Variants in CHEK1 observed in about 807,000 individuals in gnomAD.
The protein encoded by CHEK1 is checkpoint kinase 1, also known as serine/threonine-protein kinase Chk1.
In CHEK1, 32 loss-of-function variants were observed where a neutral mutation model predicts 60.2. That is an observed-to-expected ratio of 0.53 (90% CI 0.40 to 0.71). The LOEUF (loss-of-function observed/expected upper bound fraction) is 0.71. Among genes scored for constraint, CHEK1 ranks in the 30% least tolerant of loss-of-function variants. The probability of loss-of-function intolerance (pLI) is 0.00; values close to 1 mark genes in which losing one functional copy is unlikely to be tolerated. For synonymous variants in CHEK1, 179 were observed against 187.2 expected (o/e 0.96, Z 0.36); for missense variants, 399 against 564.6 (o/e 0.71, Z 2.97).
At chr11:125,661,370 G>T (rs1942012476), downstream of CHEK1, among the ~76,000 whole-genome samples, 1 of 151,890 alleles carries the variant, frequency 6.6e-6, no homozygotes, top group African/African-American at 2.4e-5. Flanking sequence ...AGAGTGCAGT[G>T]GTACCATCTC....
At chr11:125,664,940 T>G (rs531731070) in intron 13 of CHEK1, among the ~76,000 whole-genome samples, 1 of 152,296 alleles carries the variant, frequency 6.6e-6, no homozygotes, top group African/African-American at 2.4e-5. Flanking sequence ...TCATTTTCAG[T>G]TGATTTTTGT....
At chr11:125,678,052 C>T (rs909305451), downstream of CHEK1, 2 of 1,613,992 alleles carry the variant, frequency 1.2e-6, no homozygotes, top group African/African-American at 2.7e-5. Flanking sequence ...TGTTCAGTCG[C>T]AGCGGGCTCA....
intron 5 of CHEK1, among the ~76,000 whole-genome samples, chr11:125,630,793 CATT>C (rs2135982694): frequency 6.6e-6 from 1 of 152,128 alleles, no homozygotes; most frequent in Admixed American, 6.5e-5. Flanking sequence ...AAAAATACAA[CATT>C]ATTCGTATAT....
Position 125,625,719 on chromosome 11 carries a change from G to A in CHEK1, c.-314G>A, listed in dbSNP as rs1187923366. Reference sequence around the variant, plus strand: ...GCACCGCCCAGTCGAGCCTCACACCGGATGCCACTTCATATTTGGGCCCAG... The same window carrying A: ...GCACCGCCCAGTCGAGCCTCACACCAGATGCCACTTCATATTTGGGCCCAG... On this transcript the variant is annotated 5_prime_UTR_variant, in exon 1 of 13. Coordinates refer to ENST00000438015, the MANE Select transcript of CHEK1 (RefSeq NM_001114122.3). 3.1e-6 allele frequency: 2 copies of A among 653,998 alleles called. No homozygotes were observed. 40.5% of individuals were successfully genotyped at this position (653,998 alleles called of 1,614,324 possible).
chr11:125,676,364 A>G (rs527806418), downstream of CHEK1: 14 of 1,614,198 alleles, frequency 8.7e-6, no homozygotes, highest in East Asian at 2.7e-4. Flanking sequence ...TATACCTTCA[A>G]AGATCTTCTT....
chr11:125,673,435 T>C (rs1942312359), intron 13 of CHEK1, among the ~76,000 whole-genome samples: 1 of 151,268 alleles, frequency 6.6e-6, no homozygotes, highest in Admixed American at 6.6e-5. Flanking sequence ...TCTCCTGACC[T>C]TGTGATCCGC....
At chr11:125,648,449 G>A (rs1007266209) in intron 11 of CHEK1, among the ~76,000 whole-genome samples, 19 of 151,926 alleles carry the variant, frequency 1.3e-4, no homozygotes, top group Non-Finnish European at 2.5e-4. Flanking sequence ...GGGCGTGGTT[G>A]CGGGCACCGG....
downstream of CHEK1, among the ~76,000 whole-genome samples, chr11:125,659,812 T>C (rs1034879165): frequency 1.3e-5 from 2 of 152,226 alleles, no homozygotes; most frequent in African/African-American, 4.8e-5. Flanking sequence ...TCTCAAATTC[T>C]AAAACAATTT....
At chr11:125,641,625 CAA>C (rs1941306306) in intron 8 of CHEK1, among the ~76,000 whole-genome samples, 1 of 152,164 alleles carries the variant, frequency 6.6e-6, no homozygotes, top group Admixed American at 6.5e-5. Flanking sequence ...CATTCCTTTT[CAA>C]AGTCTTTCCC....
chr11:125,632,664 A>T (rs1272145922), intron 5 of CHEK1, among the ~76,000 whole-genome samples: 2 of 151,896 alleles, frequency 1.3e-5, no homozygotes, highest in East Asian at 3.9e-4. Flanking sequence ...TCTTTTTCTC[A>T]GACTCTCTAC....
downstream of CHEK1, chr11:125,680,822 T>A (rs1275405540): frequency 9.7e-6 from 15 of 1,551,990 alleles, no homozygotes; most frequent in Non-Finnish European, 1.2e-5. Flanking sequence ...GGGCCACAGC[T>A]TCTTCACAGA....
chr11:125,636,608 T>A (rs1368290717), intron 7 of CHEK1, among the ~76,000 whole-genome samples: 1 of 152,092 alleles, frequency 6.6e-6, no homozygotes, highest in Non-Finnish European at 1.5e-5. Context: ...AGTTTTTCAT[T>A]TTTATTTTAA....
intron 8 of CHEK1, among the ~76,000 whole-genome samples, chr11:125,641,356 A>G (rs1040289230): frequency 6.6e-6 from 1 of 151,340 alleles, no homozygotes; most frequent in Admixed American, 6.6e-5. Context: ...TCAGCCTCCT[A>G]CTATTGGAGT....
Position 125,663,697 on chromosome 11 carries a change from T to C in CHEK1, c.*27+8350T>C, listed in dbSNP as rs565337838. Among the ~76,000 whole-genome samples the C allele has an allele frequency of 5.0e-4, 76 of 152,330 alleles. 4 individuals are homozygous for C. The highest frequency in any genetic ancestry group is 2.2e-4 in the African/African-American group (9 of 41,598). On this transcript the variant is annotated intron_variant, in intron 13 of 13. Transcript: ENST00000428830. The stretch of plus-strand genomic sequence containing the variant: ...GATATCATTTGTTAATTTTTGTTTT[T>C]GTTGCAGTTGCTTTTGATGTCTTCA...
intron 13 of CHEK1, among the ~76,000 whole-genome samples, chr11:125,674,639 CT>C (rs1296003019): frequency 4.6e-5 from 7 of 152,190 alleles, no homozygotes; most frequent in Non-Finnish European, 7.3e-5. Flanking sequence ...TCCACTGTAA[CT>C]TGCTTCTAAG....
At chr11:125,671,228 T>C (rs1454220666) in intron 13 of CHEK1, among the ~76,000 whole-genome samples, 1 of 152,186 alleles carries the variant, frequency 6.6e-6, no homozygotes, top group Non-Finnish European at 1.5e-5. Context: ...ACTTACATTT[T>C]TCCCTCAACA....
intron 13 of CHEK1, among the ~76,000 whole-genome samples, chr11:125,669,069 A>G (rs750718722): frequency 3.9e-5 from 6 of 152,158 alleles, no homozygotes; most frequent in Non-Finnish European, 7.4e-5. Context: ...AAGTCTGTGC[A>G]GGCATGGCTT....
intron 13 of CHEK1, among the ~76,000 whole-genome samples, chr11:125,673,171 CT>C (rs781753036): frequency 1.1e-4 from 16 of 147,210 alleles, no homozygotes; most frequent in Non-Finnish European, 2.4e-4. Flanking sequence ...AACCTCTTTG[CT>C]TGCACATCAT....
intron 1 of CHEK1, 66 bp from the exon 2 acceptor site, chr11:125,626,683 C>T: frequency 2.1e-6 from 3 of 1,429,070 alleles, no homozygotes; most frequent in Non-Finnish European, 3.0e-6. Context: ...TGGGGAGAGG[C>T]GGGGCTCAGT....
Sources: allele counts gnomAD v4.1 joint callset (sites outside exome capture counted in the v4.1 genomes callset), GRCh38; gene constraint gnomAD v4.1.1; transcripts MANE v1.5; gene names NCBI Gene and HGNC (gene_info 2026-07-23, HGNC 2026-07-21).